The following RYR3 variants were observed in gnomAD, a reference collection of about 807,000 sequenced individuals.
The protein encoded by RYR3 is ryanodine receptor 3.
Under a neutral mutation model 584.3 loss-of-function variants are expected in RYR3, and 207 were observed. That is an observed-to-expected ratio of 0.35 (90% CI 0.32 to 0.40). The LOEUF is 0.40. Among genes scored for constraint, RYR3 ranks in the 10% least tolerant of loss-of-function variants. RYR3 has a pLI of 1.00. For synonymous variants in RYR3, 2,416 were observed against 2,248.5 expected (o/e 1.07, Z -2.11); for missense variants, 5,616 against 6,089.2 (o/e 0.92, Z 2.59).
At chr15:33,574,052 C>T (rs2058169386) in intron 12 of RYR3, among the ~76,000 whole-genome samples, 1 of 152,184 alleles carries the variant, frequency 6.6e-6, no homozygotes, top group East Asian at 1.9e-4. Flanking sequence ...TCAAAGAGTG[C>T]ACCTTTCCTA....
chr15:33,690,448 T>C (rs867830851), intron 38 of RYR3, among the ~76,000 whole-genome samples: 17 of 152,382 alleles, frequency 1.1e-4, no homozygotes, highest in African/African-American at 3.6e-4. Context: ...CAATGTGAGG[T>C]GTCTTACTCT....
chr15:33,719,033 C>G (rs1245035987), intron 43 of RYR3, among the ~76,000 whole-genome samples: 2 of 152,338 alleles, frequency 1.3e-5, no homozygotes, highest in East Asian at 3.9e-4. Context: ...GCTTGCTGAG[C>G]TACAGGTAAT....
intron 7 of RYR3, among the ~76,000 whole-genome samples, chr15:33,542,154 C>G (rs2141162772): frequency 6.6e-6 from 1 of 152,230 alleles, no homozygotes; most frequent in South Asian, 2.1e-4. Context: ...CTTCCAGCAT[C>G]CACTGGTGAG....
At chr15:33,831,583 G>A (rs758879559) in intron 86 of RYR3, among the ~76,000 whole-genome samples, 1 of 152,176 alleles carries the variant, frequency 6.6e-6, no homozygotes, top group Non-Finnish European at 1.5e-5. Flanking sequence ...CTTCAGAAGC[G>A]CACAAACTAC....
At chr15:33,845,559 GT>G (rs1567306576) in intron 93 of RYR3, among the ~76,000 whole-genome samples, 1 of 151,992 alleles carries the variant, frequency 6.6e-6, no homozygotes, top group Non-Finnish European at 1.5e-5. Context: ...CAGCCCCTAA[GT>G]CCTTTAACTC....
At chr15:33,448,612 G>A (rs1156677066) in intron 1 of RYR3, among the ~76,000 whole-genome samples, 1 of 152,258 alleles carries the variant, frequency 6.6e-6, no homozygotes, top group African/African-American at 2.4e-5. Context: ...TGGTGACAAA[G>A]TAATGATGAG....
intron 2 of RYR3, among the ~76,000 whole-genome samples, chr15:33,491,500 G>A (rs763983355): frequency 6.6e-6 from 1 of 152,158 alleles, no homozygotes; most frequent in Non-Finnish European, 1.5e-5. Context: ...TTTTTGAGGT[G>A]TGGCATTGCT....
intron 1 of RYR3, among the ~76,000 whole-genome samples, chr15:33,435,609 T>C (rs1363295441): frequency 2.0e-5 from 3 of 152,216 alleles, no homozygotes; most frequent in Admixed American, 1.3e-4. Context: ...CTCGCATTTA[T>C]TCCTTCTCAT....
At chr15:33,516,871 T>C (rs1595400353) in intron 3 of RYR3, among the ~76,000 whole-genome samples, 1 of 151,728 alleles carries the variant, frequency 6.6e-6, no homozygotes, top group African/African-American at 2.4e-5. Context: ...CTTCTGCAAT[T>C]TTTCAGAATG....
chr15:33,676,183 C>A (rs758707102), intron 38 of RYR3, among the ~76,000 whole-genome samples: 1 of 150,018 alleles, frequency 6.7e-6, no homozygotes, highest in Non-Finnish European at 1.5e-5. Context: ...AAGGGTGTGG[C>A]TTAAATTTCC....
chr15:33,706,942 T>G lies in RYR3; in HGVS notation c.6507T>G (p.Cys2169Trp). The G allele has an allele frequency of 6.2e-7, 1 of 1,610,318 alleles. No homozygotes were observed. The highest frequency in any genetic ancestry group is 8.5e-7 in the Non-Finnish European group (1 of 1,178,120). Reference protein sequence around the residue: ...LEKVVTYLAGCGLQSCPMLLA... With the variant: ...LEKVVTYLAGWGLQSCPMLLA... ...AGGTGGTGACCTACTTGGCAGGCTG[T>G]GGCCTACAGAGCTGCCCCATGCTTC... is the stretch of plus-strand genomic sequence containing the variant. The change falls in exon 43 of 104, where the codon TGT becomes TGG. Residue 2169 changes from cysteine to tryptophan, a missense_variant. Around this residue, in one of 9 missense-constraint regions of RYR3, gnomAD observed 1,280 missense variants for 1,426.2 expected, o/e 0.90. Transcript: ENST00000634891.
rs778612692 is a variant in RYR3 at position 33,838,008 on chromosome 15, C to T, written c.12028C>T (p.Arg4010Cys). The T allele has an allele frequency of 2.6e-5, 42 of 1,613,854 alleles. No individual in the cohort carries two copies. The highest frequency in any genetic ancestry group is 7.7e-5 in the South Asian group (7 of 91,082). ...NLSEHMPNDS[R>C]LKCLLDPAES... Reference sequence around the variant, plus strand: ...TTCTGAACACATGCCAAACGATTCCCGCCTGAAGTGTCTGTTGGACCCAGC... The same window carrying T: ...TTCTGAACACATGCCAAACGATTCCTGCCTGAAGTGTCTGTTGGACCCAGC... Residue 4010 changes from arginine (R) to cysteine (C), a missense_variant, in exon 89 of 104, where the codon CGC becomes TGC. Around this residue, in one of 9 missense-constraint regions of RYR3, gnomAD observed 258 missense variants for 297.3 expected, o/e 0.87. Coordinates refer to ENST00000634891, the MANE Select transcript of RYR3 (RefSeq NM_001036.6).
intron 8 of RYR3, among the ~76,000 whole-genome samples, chr15:33,546,805 GA>G (rs200503765): frequency 2.2e-3 from 325 of 147,888 alleles, no homozygotes; most frequent in African/African-American, 7.4e-3. Context: ...TACTTCTCCA[GA>G]AAAAAAAAAT....
chr15:33,860,926 G>C (rs1355373966), intron 101 of RYR3, among the ~76,000 whole-genome samples, 152 bp from the exon 102 acceptor site: 1 of 120,724 alleles, frequency 8.3e-6, no homozygotes, highest in African/African-American at 3.6e-5. Flanking sequence ...ATGACTAATA[G>C]CCAATGTATG....
At chr15:33,576,795 G>C (rs924611912) in intron 12 of RYR3, among the ~76,000 whole-genome samples, 1 of 135,760 alleles carries the variant, frequency 7.4e-6, no homozygotes, top group East Asian at 1.9e-4. Flanking sequence ...AGAAATAAAG[G>C]GTATTCACAC....
At chr15:33,432,401 T>C (rs981324373) in intron 1 of RYR3, among the ~76,000 whole-genome samples, 1 of 151,960 alleles carries the variant, frequency 6.6e-6, no homozygotes, top group East Asian at 1.9e-4. Context: ...TGTAGCCTCA[T>C]CTGTTTGGGG....
chr15:33,369,818 C>A (rs1042390629), intron 1 of RYR3, among the ~76,000 whole-genome samples: 3 of 152,184 alleles, frequency 2.0e-5, no homozygotes, highest in Admixed American at 6.5e-5. Flanking sequence ...CCTATAGTAG[C>A]TGTCACATTC....
intron 1 of RYR3, among the ~76,000 whole-genome samples, chr15:33,405,077 A>G (rs2042932457): frequency 6.6e-6 from 1 of 152,208 alleles, no homozygotes; most frequent in Non-Finnish European, 1.5e-5. Flanking sequence ...CCCCCATGAG[A>G]TAATGTTTAT....
chr15:33,414,718 C>G (rs942258129), intron 1 of RYR3, among the ~76,000 whole-genome samples: 1 of 152,162 alleles, frequency 6.6e-6, no homozygotes, highest in Non-Finnish European at 1.5e-5. Context: ...CATTCCCGCG[C>G]CTCAGCCTCC....
Sources: gnomAD v4.1 joint callset for allele counts (sites outside exome capture counted in the v4.1 genomes callset) on GRCh38, gnomAD v4.1.1 for gene constraint, gnomAD v4.1.1 regional missense constraint, MANE v1.5 for transcripts, NCBI Gene and HGNC (gene_info 2026-07-23, HGNC 2026-07-21) for gene names.